The following ITPR2 variants were observed in gnomAD, a reference collection of about 807,000 sequenced individuals.
The protein encoded by ITPR2 is inositol 1,4,5-trisphosphate-gated calcium channel ITPR2.
A neutral mutation model predicts 317.1 loss-of-function variants in ITPR2; 207 were observed. That is an observed-to-expected ratio of 0.65 (90% confidence interval 0.58 to 0.73). ITPR2 has a LOEUF of 0.73. Ranked by LOEUF, ITPR2 falls within the 30% of genes least tolerant of loss-of-function variation. ITPR2 has a pLI of 0.00. For synonymous variants in ITPR2, 1,156 were observed against 1,149.1 expected (o/e 1.01, Z -0.12); for missense variants, 2,613 against 3,284.0 (o/e 0.80, Z 4.99).
Position 26,715,762 on chromosome 12 carries a change from A to G in ITPR2, c.698T>C (p.Val233Ala). The G allele has an allele frequency of 2.5e-6, 4 of 1,596,336 alleles. No homozygotes were observed. Among genetic ancestry groups the G allele is most frequent in the Non-Finnish European group, 2.6e-6 (3 of 1,164,748 alleles). Residue 233 changes from valine to alanine, a missense_variant, in exon 7 of 57, where the codon GTA becomes GCA. By Grantham distance (64) the Val-to-Ala change is moderately conservative. Transcript: ENST00000381340. ...GTAGCACATACTTACTCCTTTTAAT[A>G]CATCCTCTCGATAGGAACTATATTT... ...FMKYSSYREDVLKGGDVVRLF... is the reference protein window; with the variant it reads ...FMKYSSYREDALKGGDVVRLF...
At chr12:26,341,327 C>G (rs965811024) in intron 55 of ITPR2, among the ~76,000 whole-genome samples, 1 of 152,198 alleles carries the variant, frequency 6.6e-6, no homozygotes, top group East Asian at 1.9e-4. Flanking sequence ...CAGTGAGCAT[C>G]ATGCTTGAAA....
chr12:26,805,025 G>C (rs575545989), intron 1 of ITPR2, among the ~76,000 whole-genome samples: 1 of 152,222 alleles, frequency 6.6e-6, no homozygotes, highest in East Asian at 1.9e-4. Context: ...GTGAACCACC[G>C]CACCAGGCCA....
At chr12:26,825,049 T>C (rs914450879) in intron 1 of ITPR2, among the ~76,000 whole-genome samples, 2 of 152,076 alleles carry the variant, frequency 1.3e-5, no homozygotes, top group South Asian at 2.1e-4. Context: ...CTGGCCAACA[T>C]GGCAACACCC....
At chr12:26,826,921 G>T (rs141726516) in intron 1 of ITPR2, among the ~76,000 whole-genome samples, 2 of 152,054 alleles carry the variant, frequency 1.3e-5, no homozygotes, top group Non-Finnish European at 2.9e-5. Flanking sequence ...TCAAGTTGAC[G>T]TACACAGAAA....
intron 45 of ITPR2, among the ~76,000 whole-genome samples, chr12:26,472,881 T>G (rs1448609968): frequency 6.6e-6 from 1 of 152,098 alleles, no homozygotes; most frequent in Non-Finnish European, 1.5e-5. Flanking sequence ...TTTTTTGTTT[T>G]TTGTTTGTTT....
chr12:26,374,701 G>A (rs2136605216), intron 55 of ITPR2, among the ~76,000 whole-genome samples: 1 of 152,322 alleles, frequency 6.6e-6, no homozygotes, highest in South Asian at 2.1e-4. Flanking sequence ...GTAAAGGGGA[G>A]TACAGAGGAG....
At chr12:26,507,338 T>C (rs1943215531) in intron 37 of ITPR2, among the ~76,000 whole-genome samples, 1 of 152,218 alleles carries the variant, frequency 6.6e-6, no homozygotes. Flanking sequence ...AGGGGCCAAG[T>C]ACCAAATGCT....
At chr12:26,660,529 T>C (rs1947473473) in intron 15 of ITPR2, among the ~76,000 whole-genome samples, 1 of 152,244 alleles carries the variant, frequency 6.6e-6, no homozygotes, top group African/African-American at 2.4e-5. Context: ...GATTAGAAAG[T>C]GGTTTTGCCT....
Position 26,784,357 on chromosome 12 carries a change from C to CCGCGG in ITPR2, c.163+5799_163+5800insCCGCG, listed in dbSNP as rs1555191425. 2.1e-4 allele frequency among the ~76,000 whole-genome samples: 9 copies of CCGCGG among 42,564 alleles called. 1 individual carries two copies. Among genetic ancestry groups the CCGCGG allele is most frequent in the South Asian group, 1.2e-3 (1 of 802 alleles). 27.9% of individuals were successfully genotyped at this position (42,564 alleles called of 152,430 possible). On this transcript the variant is annotated intron_variant, in intron 2 of 56. Transcript: ENST00000381340. The stretch of plus-strand genomic sequence containing the variant: ...CCTCTCCCTCTCCCTCTCCCTCTCC[C>CCGCGG]TCTCCCTCCACGGTCTCCTTCCACG...
intron 1 of ITPR2, among the ~76,000 whole-genome samples, chr12:26,823,902 A>G (rs1592162361): frequency 6.6e-6 from 1 of 152,238 alleles, no homozygotes; most frequent in Non-Finnish European, 1.5e-5. Flanking sequence ...TAAAAGTTTC[A>G]TAGTGAGTAC....
At chr12:26,575,811 T>C (rs538634620) in intron 34 of ITPR2, among the ~76,000 whole-genome samples, 10 of 152,334 alleles carry the variant, frequency 6.6e-5, no homozygotes, top group South Asian at 6.2e-4. Context: ...GATTACACAA[T>C]GAGTATCACT....
rs1253271268 is a variant in ITPR2, at chr12:26,655,601, G to A, written c.2589+107C>T. The A allele has an allele frequency of 8.4e-6, 8 of 957,342 alleles. No individual in the cohort carries two copies. The African/African-American group carries it at 1.3e-4, about 15-fold the overall frequency. The allele number at this position is 957,342 out of a possible 1,614,324, so 59.3% of individuals were successfully genotyped here. A position where few individuals can be genotyped will look rare whatever the true frequency, so the allele number is the denominator to read the frequency against. Reference sequence around the variant, plus strand: ...TGCACTCCAGCCTGGGCGACCGAGTGAGACTCTGTCTCAAAAAAAAAAAAA... The same window carrying A: ...TGCACTCCAGCCTGGGCGACCGAGTAAGACTCTGTCTCAAAAAAAAAAAAA... On this transcript the variant is annotated intron_variant, in intron 20 of 56. Coordinates refer to ENST00000381340, the MANE Select transcript of ITPR2 (RefSeq NM_002223.4).
intron 10 of ITPR2, among the ~76,000 whole-genome samples, chr12:26,690,454 C>G (rs1948215850): frequency 6.6e-6 from 1 of 152,138 alleles, no homozygotes; most frequent in African/African-American, 2.4e-5. Context: ...TCTAATTTAG[C>G]CTTTGATACA....
chr12:26,643,630 C>G (rs1212222034), intron 21 of ITPR2, among the ~76,000 whole-genome samples: 1 of 152,114 alleles, frequency 6.6e-6, no homozygotes, highest in African/African-American at 2.4e-5. Flanking sequence ...AAATGAGGAA[C>G]ATCTTACTGG....
intron 12 of ITPR2, 144 bp from the exon 13 acceptor site, chr12:26,682,178 G>A: frequency 1.5e-6 from 1 of 661,146 alleles, no homozygotes. Flanking sequence ...CATCCACTAT[G>A]AAAGGCTGCA....
intron 42 of ITPR2, 35 bp downstream of exon 42, chr12:26,483,663 C>G: frequency 6.8e-7 from 1 of 1,470,436 alleles, no homozygotes; most frequent in Non-Finnish European, 9.5e-7. Flanking sequence ...CCAAATTAAT[C>G]CCTTTACTAA....
At chr12:26,743,457 A>C (rs931056307) in intron 2 of ITPR2, among the ~76,000 whole-genome samples, 2 of 152,220 alleles carry the variant, frequency 1.3e-5, no homozygotes, top group African/African-American at 4.8e-5. Context: ...GTATTTCAGC[A>C]GATATTTTAG....
chr12:26,717,848 T>C (rs1025039572), intron 5 of ITPR2, among the ~76,000 whole-genome samples: 3 of 152,196 alleles, frequency 2.0e-5, no homozygotes, highest in Non-Finnish European at 4.4e-5. Context: ...AATTAAATTA[T>C]GAGCAAAAAC....
intron 41 of ITPR2, among the ~76,000 whole-genome samples, chr12:26,484,771 G>T (rs1303675300): frequency 1.3e-5 from 2 of 152,066 alleles, no homozygotes; most frequent in Non-Finnish European, 2.9e-5. Context: ...GAGTGCAGTG[G>T]CATCATCTCC....
Sources: allele counts gnomAD v4.1 joint callset (sites outside exome capture counted in the v4.1 genomes callset), GRCh38; gene constraint gnomAD v4.1.1; transcripts MANE v1.5; gene names NCBI Gene and HGNC (gene_info 2026-07-23, HGNC 2026-07-21).